FAM135B: variants seen among roughly 807,000 people sequenced by gnomAD.
FAM135B encodes the protein protein FAM135B.
FAM135B carries 43 observed loss-of-function variants against 127.7 expected under a neutral mutation model. That is an observed-to-expected ratio of 0.34 (90% CI 0.26 to 0.43). The LOEUF is 0.43. Among genes scored for constraint, FAM135B ranks in the 20% least tolerant of loss-of-function variants. The pLI, the probability that FAM135B is intolerant of heterozygous loss-of-function variation, is 1.00. For synonymous variants in FAM135B, 670 were observed against 665.1 expected, an observed-to-expected ratio of 1.01 and a Z score of -0.11; for missense variants, 1,558 against 1,725.6, an observed-to-expected ratio of 0.90 and a Z score of 1.72.
At chr8:138,405,351 C>T (rs112730632) in intron 1 of FAM135B, among the ~76,000 whole-genome samples, 62 of 147,350 alleles carry the variant, frequency 4.2e-4, no homozygotes, top group Middle Eastern at 3.4e-3. Flanking sequence ...GGTATATCTC[C>T]TAATGTTATC....
intron 2 of FAM135B, among the ~76,000 whole-genome samples, chr8:138,343,327 T>C (rs1434817237): frequency 6.6e-6 from 1 of 152,212 alleles, no homozygotes; most frequent in Non-Finnish European, 1.5e-5. Context: ...CTATACACTA[T>C]AGCTGTCAAG....
intron 9 of FAM135B, among the ~76,000 whole-genome samples, chr8:138,192,588 T>C (rs1157351190): frequency 2.5e-5 from 1 of 39,286 alleles, no homozygotes; most frequent in African/African-American, 7.5e-5. Context: ...TCACCCAGAT[T>C]GATAAACTCG....
intron 3 of FAM135B, among the ~76,000 whole-genome samples, chr8:138,285,759 T>C (rs1051861587): frequency 2.0e-5 from 3 of 152,248 alleles, no homozygotes; most frequent in Non-Finnish European, 4.4e-5. Flanking sequence ...TTTAACAATA[T>C]TGACCTGAAT....
At chr8:138,349,466 G>A (rs934481178) in intron 2 of FAM135B, among the ~76,000 whole-genome samples, 8 of 152,172 alleles carry the variant, frequency 5.3e-5, no homozygotes, top group African/African-American at 1.2e-4. Flanking sequence ...ATAATTAAAC[G>A]AAATGATGTA....
chr8:138,227,312 G>A lies in FAM135B; in HGVS notation c.669+15630C>T, dbSNP rs139519785. 2.4e-3 allele frequency among the ~76,000 whole-genome samples: 369 copies of A among 152,268 alleles called. 1 individual carries two copies. The highest frequency in any genetic ancestry group is 8.0e-3 in the African/African-American group (333 of 41,552). ...GTCAGCTATTTGGGAGTGGTGGAGC[G>A]AAATAATTAAATACAAAATGAATCT... On this transcript the variant is annotated intron_variant, in intron 7 of 19. Coordinates refer to ENST00000395297, the MANE Select transcript of FAM135B (RefSeq NM_015912.4).
At chr8:138,382,243 G>C (rs912408582) in intron 1 of FAM135B, among the ~76,000 whole-genome samples, 2 of 152,126 alleles carry the variant, frequency 1.3e-5, no homozygotes, top group Non-Finnish European at 2.9e-5. Context: ...AAGATACGGA[G>C]GGCCTTAACG....
At chr8:138,442,236 C>CTATATATATATATATATATATATATATA (rs1564005402) in intron 1 of FAM135B, among the ~76,000 whole-genome samples, 2 of 13,130 alleles carry the variant, frequency 1.5e-4, no homozygotes, top group Non-Finnish European at 2.5e-4. Context: ...AATATGGACA[C>CTATATATATATATATATATATATATATA]CATATATATA....
rs187517928 is a variant in FAM135B at position 138,486,822 on chromosome 8, T to G, written c.-20+9849A>C. 1.5e-3 allele frequency among the ~76,000 whole-genome samples: 224 copies of G among 152,224 alleles called. 3 individuals carry two copies. Among genetic ancestry groups the G allele is most frequent in the Non-Finnish European group, 2.4e-3 (160 of 68,012 alleles). ...TGCATCTGAGGAACCAGACCTAAGG[T>G]GGAGTAAGCAGGACCTCTCCACGAA... On this transcript the variant is annotated intron_variant, in intron 1 of 19. Transcript: ENST00000395297.
At chr8:138,257,530 T>G (rs1822187685) in intron 4 of FAM135B, among the ~76,000 whole-genome samples, 1 of 152,110 alleles carries the variant, frequency 6.6e-6, no homozygotes, top group Admixed American at 6.6e-5. Flanking sequence ...CAAGGGGGCA[T>G]TACTTGCTAA....
At chr8:138,292,462 C>A (rs1825183178) in intron 3 of FAM135B, among the ~76,000 whole-genome samples, 1 of 152,016 alleles carries the variant, frequency 6.6e-6, no homozygotes, top group Non-Finnish European at 1.5e-5. Flanking sequence ...CCAAAGCAAT[C>A]TTGTGCAAAA....
At chr8:138,401,099 A>T (rs1833131132) in intron 1 of FAM135B, among the ~76,000 whole-genome samples, 1 of 152,190 alleles carries the variant, frequency 6.6e-6, no homozygotes, top group African/African-American at 2.4e-5. Context: ...ATAAAATATT[A>T]ACTGGGATTA....
At chr8:138,417,148 T>G (rs1029973932) in intron 1 of FAM135B, among the ~76,000 whole-genome samples, 13 of 152,174 alleles carry the variant, frequency 8.5e-5, no homozygotes, top group African/African-American at 3.1e-4. Flanking sequence ...TCTAGCTGGC[T>G]TTAGCCTTGA....
At chr8:138,341,690 C>T (rs932825344) in intron 2 of FAM135B, among the ~76,000 whole-genome samples, 1 of 152,170 alleles carries the variant, frequency 6.6e-6, no homozygotes, top group East Asian at 1.9e-4. Flanking sequence ...GGAATCGTCT[C>T]TCTACTGTAA....
At chr8:138,376,436 T>G (rs1234199052) in intron 1 of FAM135B, among the ~76,000 whole-genome samples, 1 of 152,212 alleles carries the variant, frequency 6.6e-6, no homozygotes, top group Non-Finnish European at 1.5e-5. Flanking sequence ...CATCACCTTC[T>G]GTGTATTCTC....
intron 1 of FAM135B, among the ~76,000 whole-genome samples, chr8:138,390,849 G>GCT (rs1832528373): frequency 6.6e-6 from 1 of 152,124 alleles, no homozygotes; most frequent in Admixed American, 6.5e-5. Context: ...GCAGAGCTGA[G>GCT]CTCTGGGGAT....
At chr8:138,206,717 C>G (rs189680862) in intron 7 of FAM135B, among the ~76,000 whole-genome samples, 58 of 149,960 alleles carry the variant, frequency 3.9e-4, no homozygotes, top group African/African-American at 1.4e-3. Context: ...ACAGCTCTAT[C>G]ATCCCCTCTA....
chr8:138,155,910 A>G lies in FAM135B; in HGVS notation c.1259-2694T>C, dbSNP rs563747242. On this transcript the variant is annotated intron_variant, in intron 12 of 19. Transcript: ENST00000395297. ...AACGAGACAGAAAGTTAACAAGGAT[A>G]TCCAGAACTTGAACTCGGCTCTGCA... 2.6e-5 allele frequency among the ~76,000 whole-genome samples: 4 copies of G among 152,314 alleles called. No homozygotes were observed. In the East Asian group the frequency reaches 7.7e-4, roughly 29 times the overall value.
intron 7 of FAM135B, among the ~76,000 whole-genome samples, chr8:138,204,699 G>A (rs1817424300): frequency 2.0e-5 from 3 of 152,190 alleles, no homozygotes; most frequent in African/African-American, 7.2e-5. Context: ...TCATGCTATA[G>A]AAATTTATGT....
intron 7 of FAM135B, among the ~76,000 whole-genome samples, chr8:138,240,507 A>G (rs2130342646): frequency 6.6e-6 from 1 of 152,250 alleles, no homozygotes; most frequent in East Asian, 1.9e-4. Context: ...CTTGCTTCTC[A>G]GCTTCCTACA....
Sources: gnomAD v4.1 joint callset for allele counts (sites outside exome capture counted in the v4.1 genomes callset) on GRCh38, gnomAD v4.1.1 for gene constraint, MANE v1.5 for transcripts, NCBI Gene and HGNC (gene_info 2026-07-23, HGNC 2026-07-21) for gene names.